The following TATDN1 variants were observed in gnomAD, a reference collection of about 807,000 sequenced individuals.
The protein encoded by TATDN1 is deoxyribonuclease TATDN1.
In TATDN1, 40 loss-of-function variants were observed where a neutral mutation model predicts 46.4. The ratio of observed to expected loss-of-function variants is 0.86; its 90% CI spans 0.67 to 1.12. The LOEUF is 1.12. Among genes scored for constraint, TATDN1 ranks in the 50% most tolerant of loss-of-function variants. The pLI, the probability that TATDN1 is intolerant of heterozygous loss-of-function variation, is 0.00. For missense variants in TATDN1, 326 were observed against 348.4 expected (o/e 0.94, Z 0.51); for synonymous variants, 95 against 105.6 (o/e 0.90, Z 0.62).
chr8:124,514,605 C>A (rs1819300264), intron 6 of TATDN1, among the ~76,000 whole-genome samples: 1 of 152,158 alleles, frequency 6.6e-6, no homozygotes, highest in Non-Finnish European at 1.5e-5. Context: ...AATAAATTAA[C>A]CCCCTTTAGA....
intron 9 of TATDN1, among the ~76,000 whole-genome samples, chr8:124,502,406 G>A (rs1286476395): frequency 6.6e-6 from 1 of 151,796 alleles, no homozygotes; most frequent in East Asian, 1.9e-4. Context: ...ACTTGTAAGA[G>A]GAAGAGCAGA....
At chr8:124,517,325 G>A (rs985982721) in intron 4 of TATDN1, among the ~76,000 whole-genome samples, 6 of 152,040 alleles carry the variant, frequency 3.9e-5, no homozygotes, top group African/African-American at 1.4e-4. Flanking sequence ...CTACTCAGGA[G>A]GCTGAGGCAG....
chr8:124,503,344 T>G (rs1209390702), intron 9 of TATDN1, among the ~76,000 whole-genome samples: 1 of 152,182 alleles, frequency 6.6e-6, no homozygotes. Flanking sequence ...AAAAGCTGAC[T>G]TGGGGTAAGG....
chr8:124,524,229 G>A (rs1820293245), intron 1 of TATDN1, among the ~76,000 whole-genome samples: 1 of 152,120 alleles, frequency 6.6e-6, no homozygotes, highest in African/African-American at 2.4e-5. Flanking sequence ...GAGTATTCCA[G>A]GCATTTGAAA....
intron 6 of TATDN1, among the ~76,000 whole-genome samples, chr8:124,511,343 C>T (rs555874286): frequency 2.0e-5 from 3 of 152,322 alleles, no homozygotes; most frequent in East Asian, 1.9e-4. Context: ...GTAGTAATCC[C>T]TCCTCTGTAA....
intron 9 of TATDN1, chr8:124,503,871 T>C: frequency 7.8e-7 from 1 of 1,284,098 alleles, no homozygotes; most frequent in Non-Finnish European, 1.0e-6. Context: ...CCTCGGTTTC[T>C]TTGACTGCAG....
chr8:124,538,853 C>T, intron 1 of TATDN1, 172 bp downstream of exon 1: 1 of 691,740 alleles, frequency 1.4e-6, no homozygotes, highest in Non-Finnish European at 2.6e-6. Flanking sequence ...GAACCTAGAT[C>T]AAGAACCAGA....
intron 4 of TATDN1, 64 bp from the exon 5 acceptor site, chr8:124,516,094 A>G (rs1819448372): frequency 1.5e-6 from 2 of 1,373,796 alleles, no homozygotes; most frequent in African/African-American, 2.9e-5. Flanking sequence ...ATTTATTATG[A>G]TATTTAGAGG....
chr8:124,523,265 C>T lies in TATDN1; in HGVS notation c.23-263G>A. 5 of 407,954 alleles carry T rather than the reference C, an allele frequency of 1.2e-5. No homozygotes were observed. The South Asian group carries it at 1.4e-4, about 11-fold the overall frequency. The allele number at this position is 407,954 out of a possible 1,614,324, so 25.3% of individuals were successfully genotyped here. A position where few individuals can be genotyped will look rare whatever the true frequency, so the allele number is the denominator to read the frequency against. On this transcript the variant is annotated intron_variant, in intron 1 of 11. Coordinates refer to ENST00000276692, the MANE Select transcript of TATDN1 (RefSeq NM_032026.4). ...AATTATGAAATATTAGAAGTAAACA[C>T]TGGTACTATGGGACACAGAAGAGGA...
rs944383899 is a variant in TATDN1, at chr8:124,493,871, C to T, written c.753G>A (p.Gly251=). ...AFPTKKKWES[G]HCLKDRNEPC... is the part of the protein sequence containing the mutation. ...GTTCATTTCTGTCTTTTAAGCAGTG[C>T]CCACTTTCCCACTTCTTTTTGGTAG... Residue 251 remains glycine, a synonymous_variant, in exon 11 of 12, where the codon GGG becomes GGA. Transcript: ENST00000276692. 6.2e-7 allele frequency: 1 copy of T among 1,611,218 alleles called. No homozygotes were observed. The highest frequency in any genetic ancestry group is 8.5e-7 in the Non-Finnish European group (1 of 1,179,718).
At chr8:124,500,076 C>T (rs1817825884) in intron 9 of TATDN1, among the ~76,000 whole-genome samples, 1 of 149,496 alleles carries the variant, frequency 6.7e-6, no homozygotes, top group South Asian at 2.1e-4. Flanking sequence ...AACTCCTGAC[C>T]TTGTGAACCA....
In TATDN1 at chr8:124,489,099, TTG is replaced by T. The variant is rs1218199659; in HGVS notation, c.792-405_792-404del. On this transcript the variant is annotated intron_variant, in intron 11 of 11. Coordinates refer to ENST00000276692, the MANE Select transcript of TATDN1 (RefSeq NM_032026.4). ...ATAAGGGTAAGTACTGTTCCATTTT[TTG>T]TTAGGTTTTATTATGTATGTGTGTC... is the stretch of plus-strand genomic sequence containing the variant. 2.2e-5 allele frequency: 4 copies of T among 180,166 alleles called. No homozygotes were observed. The East Asian group carries it at 7.2e-4, about 32-fold the overall frequency. 11.2% of individuals were successfully genotyped at this position (180,166 alleles called of 1,614,324 possible).
At chr8:124,507,727 G>A (rs1295580164) in intron 8 of TATDN1, among the ~76,000 whole-genome samples, 1 of 150,936 alleles carries the variant, frequency 6.6e-6, no homozygotes, top group Non-Finnish European at 1.5e-5. Context: ...GCAGTGAGCT[G>A]AGATTGTGCC....
intron 11 of TATDN1, among the ~76,000 whole-genome samples, chr8:124,490,504 T>C (rs980095580): frequency 1.3e-5 from 2 of 151,550 alleles, no homozygotes; most frequent in African/African-American, 4.9e-5. Flanking sequence ...AGCGAGACTC[T>C]CTCTCCAAAA....
rs372528300 is a variant in TATDN1 at position 124,508,539 on chromosome 8, T to C, written c.476-25A>G. Reference sequence around the variant, plus strand: ...TCTGTGAATTAAAAACAAAGAACTTTTAGCAAATAGCTTGATTTCTACAAA... The same window carrying C: ...TCTGTGAATTAAAAACAAAGAACTTCTAGCAAATAGCTTGATTTCTACAAA... On this transcript the variant is annotated intron_variant, in intron 7 of 11. Coordinates refer to ENST00000276692, the MANE Select transcript of TATDN1 (RefSeq NM_032026.4). 1.7e-5 allele frequency: 27 copies of C among 1,612,206 alleles called. No individual in the cohort carries two copies. The African/African-American group carries it at 3.2e-4, about 19-fold the overall frequency.
At position 124,488,566 on chromosome 8, in the gene TATDN1, A is replaced by G. The variant is rs1316691420; in HGVS notation, c.*28T>C. 2.6e-6 allele frequency: 3 copies of G among 1,171,912 alleles called. No individual in the cohort carries two copies. The highest frequency in any genetic ancestry group is 2.4e-5 in the East Asian group (1 of 42,070). The allele number at this position is 1,171,912 out of a possible 1,614,324, so 72.6% of individuals were successfully genotyped here. A position where few individuals can be genotyped will look rare whatever the true frequency, so the allele number is the denominator to read the frequency against. ...AGTTTTACTATGAAATTTTACATACATGATGGAAAGTGGAAGACATATACC... is the reference window on the plus strand; with the variant it reads ...AGTTTTACTATGAAATTTTACATACGTGATGGAAAGTGGAAGACATATACC... On this transcript the variant is annotated 3_prime_UTR_variant, in exon 12 of 12. Coordinates refer to ENST00000276692, the MANE Select transcript of TATDN1 (RefSeq NM_032026.4).
intron 1 of TATDN1, among the ~76,000 whole-genome samples, chr8:124,534,039 G>T (rs1053609150): frequency 7.3e-5 from 11 of 150,648 alleles, no homozygotes; most frequent in African/African-American, 2.7e-4. Flanking sequence ...CCAGCTACTC[G>T]GGAGGCTGAG....
chr8:124,506,018 T>C (rs1324482785), intron 8 of TATDN1, among the ~76,000 whole-genome samples: 4 of 151,996 alleles, frequency 2.6e-5, no homozygotes, highest in Admixed American at 2.0e-4. Context: ...TTAAAAACTA[T>C]TAATAGAACC....
chr8:124,489,780 G>A (rs1420609427), intron 11 of TATDN1: 6 of 152,288 alleles, frequency 3.9e-5, no homozygotes, highest in African/African-American at 1.4e-4. Flanking sequence ...TTATATATAA[G>A]TGGAAGATTT....
Sources: gnomAD v4.1 joint callset for allele counts (sites outside exome capture counted in the v4.1 genomes callset) on GRCh38, gnomAD v4.1.1 for gene constraint, MANE v1.5 for transcripts, NCBI Gene and HGNC (gene_info 2026-07-23, HGNC 2026-07-21) for gene names.